SPIRE1: variants seen among roughly 807,000 people sequenced by gnomAD.
SPIRE1 encodes the protein spire type actin nucleation factor 1.
In SPIRE1, 40 loss-of-function variants were observed where a neutral mutation model predicts 94.1. The ratio of observed to expected loss-of-function variants is 0.43; its 90% CI spans 0.33 to 0.55. The LOEUF (loss-of-function observed/expected upper bound fraction) is 0.55, where lower values mean the gene tolerates loss of function less well. Among genes scored for constraint, SPIRE1 ranks in the 20% least tolerant of loss-of-function variants. The pLI, the probability that SPIRE1 is intolerant of heterozygous loss-of-function variation, is 0.06. For synonymous variants in SPIRE1, 376 were observed against 371.7 expected, an observed-to-expected ratio of 1.01 and a Z score of -0.13; for missense variants, 838 against 975.2, an observed-to-expected ratio of 0.86 and a Z score of 1.87.
At chr18:12,613,060 C>T (rs538548436) in intron 2 of SPIRE1, among the ~76,000 whole-genome samples, 2 of 152,294 alleles carry the variant, frequency 1.3e-5, no homozygotes, top group South Asian at 2.1e-4. Flanking sequence ...CACTATATTA[C>T]AAACACTTGA....
intron 2 of SPIRE1, among the ~76,000 whole-genome samples, chr18:12,631,016 CAA>C (rs1325203788): frequency 6.6e-6 from 1 of 152,124 alleles, no homozygotes; most frequent in Non-Finnish European, 1.5e-5. Context: ...TTCTTGCTGA[CAA>C]AAAGAGCCTT....
upstream of SPIRE1, among the ~76,000 whole-genome samples, chr18:12,660,066 C>T (rs1482078442): frequency 6.6e-6 from 1 of 152,146 alleles, no homozygotes; most frequent in Admixed American, 6.5e-5. Flanking sequence ...GATACTGCTG[C>T]CCATTGCACT....
intron 2 of SPIRE1, among the ~76,000 whole-genome samples, chr18:12,557,169 C>G (rs1598468589): frequency 6.6e-6 from 1 of 152,228 alleles, no homozygotes; most frequent in Admixed American, 6.5e-5. Flanking sequence ...CTTGGGCAGT[C>G]AATGGGACCG....
chr18:12,476,301 G>A (rs994390049), intron 10 of SPIRE1, among the ~76,000 whole-genome samples: 1 of 151,962 alleles, frequency 6.6e-6, no homozygotes. Flanking sequence ...CTCTTTGGGA[G>A]GCTGAGGCAG....
intron 2 of SPIRE1, among the ~76,000 whole-genome samples, chr18:12,632,948 C>T (rs1241155388): frequency 1.3e-5 from 2 of 152,152 alleles, no homozygotes; most frequent in Non-Finnish European, 2.9e-5. Context: ...CAGATGAATG[C>T]TGACTATATT....
intron 2 of SPIRE1, among the ~76,000 whole-genome samples, chr18:12,586,002 G>A (rs1257401382): frequency 6.6e-6 from 1 of 152,206 alleles, no homozygotes; most frequent in East Asian, 1.9e-4. Context: ...CCAGGCTGGA[G>A]TGCAGTGGCA....
chr18:12,608,736 T>C (rs965957198), intron 2 of SPIRE1, among the ~76,000 whole-genome samples: 9 of 152,194 alleles, frequency 5.9e-5, no homozygotes, highest in African/African-American at 2.2e-4. Flanking sequence ...GCAATAATAA[T>C]ATCAATAGTA....
At chr18:12,630,837 G>C (rs907836745) in intron 2 of SPIRE1, among the ~76,000 whole-genome samples, 1 of 152,180 alleles carries the variant, frequency 6.6e-6, no homozygotes, top group Admixed American at 6.5e-5. Context: ...TCTTCCTTCA[G>C]GCAGCTTATA....
At chr18:12,560,603 C>T (rs1361261574) in intron 2 of SPIRE1, among the ~76,000 whole-genome samples, 5 of 152,196 alleles carry the variant, frequency 3.3e-5, no homozygotes, top group African/African-American at 9.7e-5. Context: ...CTAATCCCAG[C>T]ACTTTGGCAT....
Position 12,449,523 on chromosome 18 carries a change from C to T in SPIRE1, c.*115G>A. The T allele has an allele frequency of 9.2e-7, 1 of 1,088,450 alleles. No individual in the cohort carries two copies. Among genetic ancestry groups the T allele is most frequent in the Non-Finnish European group, 1.3e-6 (1 of 767,526 alleles). The allele number at this position is 1,088,450 out of a possible 1,614,324, so 67.4% of individuals were successfully genotyped here. ...CAATGTGATGCGGCAAAAATCTGAT[C>T]TAATGCAAATTCAAGCCCATTAAAT... On this transcript the variant is annotated 3_prime_UTR_variant, in exon 17 of 17. Coordinates refer to ENST00000409402, the MANE Select transcript of SPIRE1 (RefSeq NM_001128626.2).
At chr18:12,574,124 G>A (rs2036031519) in intron 2 of SPIRE1, among the ~76,000 whole-genome samples, 1 of 152,278 alleles carries the variant, frequency 6.6e-6, no homozygotes, top group South Asian at 2.1e-4. Context: ...TAAACGTACT[G>A]CATTAATGCA....
At chr18:12,484,920 T>G (rs116245231) in intron 9 of SPIRE1, among the ~76,000 whole-genome samples, 5 of 151,832 alleles carry the variant, frequency 3.3e-5, no homozygotes, top group Non-Finnish European at 5.9e-5. Flanking sequence ...AATAAATAAA[T>G]AAAAGAAAAT....
intron 2 of SPIRE1, among the ~76,000 whole-genome samples, chr18:12,579,243 C>G (rs1034991928): frequency 1.4e-5 from 2 of 147,536 alleles, no homozygotes; most frequent in Non-Finnish European, 3.0e-5. Context: ...AAAATACTGA[C>G]TAGTAATGAA....
intron 2 of SPIRE1, among the ~76,000 whole-genome samples, chr18:12,588,934 G>A (rs2144576539): frequency 6.6e-6 from 1 of 152,232 alleles, no homozygotes; most frequent in East Asian, 1.9e-4. Flanking sequence ...TGGATTCCGT[G>A]TGGTCAGAGA....
intron 2 of SPIRE1, among the ~76,000 whole-genome samples, chr18:12,584,469 T>C (rs2036339520): frequency 6.6e-6 from 1 of 151,880 alleles, no homozygotes; most frequent in South Asian, 2.1e-4. Context: ...AAAAACAGTA[T>C]TTAAAAGAAC....
At chr18:12,548,270 G>C (rs1486096784) in intron 2 of SPIRE1, among the ~76,000 whole-genome samples, 2 of 151,970 alleles carry the variant, frequency 1.3e-5, no homozygotes, top group African/African-American at 4.8e-5. Context: ...TTTATAGCTG[G>C]TAATACCGCA....
intron 2 of SPIRE1, among the ~76,000 whole-genome samples, chr18:12,549,733 G>A (rs2035294343): frequency 6.6e-6 from 1 of 151,948 alleles, no homozygotes; most frequent in Non-Finnish European, 1.5e-5. Context: ...ACAGCTGTGA[G>A]CTACCGTGCC....
intron 2 of SPIRE1, among the ~76,000 whole-genome samples, chr18:12,578,635 A>T (rs1035222459): frequency 6.6e-6 from 1 of 152,214 alleles, no homozygotes; most frequent in Non-Finnish European, 1.5e-5. Flanking sequence ...AAACTGAACA[A>T]GTATTTCCAC....
chr18:12,548,173 C>T (rs1373786224), intron 2 of SPIRE1, among the ~76,000 whole-genome samples: 1 of 152,234 alleles, frequency 6.6e-6, no homozygotes, highest in African/African-American at 2.4e-5. Context: ...AATGATCTCA[C>T]TGCTCTCTCC....
Sources: allele counts gnomAD v4.1 joint callset (sites outside exome capture counted in the v4.1 genomes callset), GRCh38; gene constraint gnomAD v4.1.1; transcripts MANE v1.5; gene names NCBI Gene and HGNC (gene_info 2026-07-23, HGNC 2026-07-21).